Variants in KNTC1 observed in about 807,000 individuals in gnomAD.
KNTC1 encodes kinetochore associated 1, also known as kinetochore-associated protein 1.
In KNTC1, 253 loss-of-function variants were observed where a neutral mutation model predicts 314.4. The observed-to-expected ratio is 0.80, with a 90% CI of 0.73 to 0.89. KNTC1 has a LOEUF of 0.89. Among genes scored for constraint, KNTC1 ranks in the 40% least tolerant of loss-of-function variants. The probability of loss-of-function intolerance (pLI) is 0.00; values close to 1 mark genes in which losing one functional copy is unlikely to be tolerated. For missense variants in KNTC1, 2,475 were observed against 2,572.9 expected (o/e 0.96, Z 0.82); for synonymous variants, 901 against 901.4 (o/e 1.00, Z 0.01).
rs1284436828 is a variant in KNTC1, at chr12:122,584,501, A to G, written c.3436+51A>G. The G allele has an allele frequency of 2.2e-5, 31 of 1,382,838 alleles. 1 individual carries two copies. The highest frequency in any genetic ancestry group is 3.8e-4 in the Middle Eastern group (2 of 5,264). 85.7% of individuals were successfully genotyped at this position (1,382,838 alleles called of 1,614,324 possible). On this transcript the variant is annotated intron_variant, in intron 35 of 63. Coordinates refer to ENST00000333479, the MANE Select transcript of KNTC1 (RefSeq NM_014708.6). ...TTTTATATTCTCTGGTTCATGTCAT[A>G]CTTGTCTCCCAAATGCTGTCTCTTT...
At chr12:122,544,665 A>G (rs574381052) in intron 8 of KNTC1, among the ~76,000 whole-genome samples, 2 of 152,348 alleles carry the variant, frequency 1.3e-5, no homozygotes, top group South Asian at 4.1e-4. Context: ...TCTAATAGGA[A>G]GTGTAATTAC....
Position 122,613,606 on chromosome 12 carries a change from G to A in KNTC1, c.5742-20G>A. On this transcript the variant is annotated intron_variant, in intron 54 of 63. Coordinates refer to ENST00000333479, the MANE Select transcript of KNTC1 (RefSeq NM_014708.6). ...ATGTGGCCTATGAGAATGATTCTTA[G>A]AAACGTTTCTGTTTTCCAGATCTTA... 1 of 1,577,752 alleles carries A rather than the reference G, an allele frequency of 6.3e-7. No homozygotes were observed. The highest frequency in any genetic ancestry group is 8.6e-7 in the Non-Finnish European group (1 of 1,165,306).
At chr12:122,617,409 A>G (rs1462503545) in intron 57 of KNTC1, 4 of 450,802 alleles carry the variant, frequency 8.9e-6, no homozygotes, top group African/African-American at 4.0e-5. Flanking sequence ...ATGTATAGAG[A>G]TGGAGGTCTT....
At chr12:122,563,083 C>T (rs1445537986) in intron 20 of KNTC1, among the ~76,000 whole-genome samples, 2 of 151,874 alleles carry the variant, frequency 1.3e-5, no homozygotes, top group African/African-American at 2.4e-5. Context: ...TATAGCAGTC[C>T]TCTTGCTGAA....
chr12:122,606,043 TAG>T (rs1447889041), intron 51 of KNTC1, among the ~76,000 whole-genome samples: 1 of 151,600 alleles, frequency 6.6e-6, no homozygotes, highest in African/African-American at 2.4e-5. Flanking sequence ...GTTTGTTTTG[TAG>T]AGACAGGGTC....
At chr12:122,583,040 G>A (rs7398861) in intron 34 of KNTC1, 55 bp downstream of exon 34, 558,440 of 1,511,608 alleles carry the variant, frequency 0.37, 106,471 homozygotes, top group Non-Finnish European at 0.38. Context: ...GGCTGGGCAC[G>A]GTAACTCATA....
chr12:122,544,279 T>G lies in KNTC1; in HGVS notation c.669+10T>G, dbSNP rs777795266. On this transcript the variant is annotated intron_variant, in intron 8 of 63. Coordinates refer to ENST00000333479, the MANE Select transcript of KNTC1 (RefSeq NM_014708.6). ...TCCTGTGATAATTGGGGTAATTGTT[T>G]TTATAAAGTTTTGTTTTTTGTTGCC... 1.4e-6 allele frequency: 2 copies of G among 1,413,832 alleles called. No homozygotes were observed. Among genetic ancestry groups the G allele is most frequent in the Non-Finnish European group, 1.9e-6 (2 of 1,034,326 alleles). The allele number at this position is 1,413,832 out of a possible 1,614,324, so 87.6% of individuals were successfully genotyped here.
Position 122,573,048 on chromosome 12 carries a change from T to C in KNTC1, c.2131T>C (p.Phe711Leu). 6.2e-7 allele frequency: 1 copy of C among 1,612,496 alleles called. No individual in the cohort carries two copies. The highest frequency in any genetic ancestry group is 8.5e-7 in the Non-Finnish European group (1 of 1,179,102). Residue 711 changes from phenylalanine (F) to leucine (L), a missense_variant, in exon 25 of 64, where the codon TTT becomes CTT. Phe to Leu is a conservative substitution (Grantham distance 22, BLOSUM62 0). Transcript: ENST00000333479. ...KYNCKLALSD[F>L]EKENTTTIVF... ...CAACTGCAAATTAGCCCTCTCTGATTTTGAGAAGGTAAAGTCCAGGGTCAT... is the reference window on the plus strand; with the variant it reads ...CAACTGCAAATTAGCCCTCTCTGATCTTGAGAAGGTAAAGTCCAGGGTCAT...
chr12:122,575,750 T>C, intron 28 of KNTC1, 50 bp from the exon 29 acceptor site: 1 of 1,527,022 alleles, frequency 6.5e-7, no homozygotes. Flanking sequence ...TGTCCCATAG[T>C]ACTTCATAAA....
intron 2 of KNTC1, 21 bp downstream of exon 2, chr12:122,530,213 T>TG: frequency 6.2e-7 from 1 of 1,606,870 alleles, no homozygotes; most frequent in South Asian, 1.1e-5. Flanking sequence ...TTACACTGAC[T>TG]GTTTCATTCA....
intron 39 of KNTC1, 78 bp downstream of exon 39, chr12:122,587,952 C>T (rs947095520): frequency 2.1e-5 from 25 of 1,210,514 alleles, no homozygotes; most frequent in Admixed American, 1.1e-4. Flanking sequence ...TTGGAGTCCA[C>T]GTTTTCCTAT....
chr12:122,590,578 T>C, intron 40 of KNTC1, 29 bp from the exon 41 acceptor site: 1 of 1,582,744 alleles, frequency 6.3e-7, no homozygotes, highest in Non-Finnish European at 8.6e-7. Flanking sequence ...TGTGAAGAAT[T>C]TGCTTCTTTT....
rs773917767 is a variant in KNTC1, at chr12:122,570,906, G to A, written c.1891G>A (p.Ala631Thr). 3.3e-5 allele frequency: 52 copies of A among 1,562,532 alleles called. No homozygotes were observed. Among genetic ancestry groups the A allele is most frequent in the Non-Finnish European group, 4.3e-5 (50 of 1,151,146 alleles). Reference sequence around the variant, plus strand: ...TCTTGCAAAATGGTTGGAACAAGCAGCCAGGAACCTTGAATTAACTGATAA... The same window carrying A: ...TCTTGCAAAATGGTTGGAACAAGCAACCAGGAACCTTGAATTAACTGATAA... ...IILAKWLEQA[A>T]RNLELTDKAN... The change falls in exon 23 of 64, where the codon GCC (alanine) becomes ACC (threonine). Residue 631 changes from alanine (A) to threonine (T), a missense_variant. By Grantham distance (58) the Ala-to-Thr change is moderately conservative. Coordinates refer to ENST00000333479, the MANE Select transcript of KNTC1 (RefSeq NM_014708.6).
intron 44 of KNTC1, among the ~76,000 whole-genome samples, chr12:122,598,568 G>T (rs1871382685): frequency 6.7e-6 from 1 of 150,052 alleles, no homozygotes; most frequent in South Asian, 2.1e-4. Context: ...TTACAGGTGT[G>T]CACCATCATG....
intron 36 of KNTC1, among the ~76,000 whole-genome samples, chr12:122,585,211 A>AT (rs1593611700): frequency 2.6e-5 from 4 of 151,492 alleles, no homozygotes; most frequent in Non-Finnish European, 2.9e-5. Context: ...ATTAAAAAAA[A>AT]ATTTTTTTTT....
rs1485642867 is a variant in KNTC1, at chr12:122,555,537, GCAAGACTCTGTCT to G, written c.1273-1843_1273-1831del. ...ACTGCACTCCAGCCTGGGTGACAGAGCAAGACTCTGTCTCAAAAATAAAAAAGAAGGGCCGGGC... is the reference window on the plus strand; with the variant it reads ...ACTGCACTCCAGCCTGGGTGACAGAGCAAAAATAAAAAAGAAGGGCCGGGC... On this transcript the variant is annotated intron_variant, in intron 16 of 63. Coordinates refer to ENST00000333479, the MANE Select transcript of KNTC1 (RefSeq NM_014708.6). 3.3e-5 allele frequency among the ~76,000 whole-genome samples: 5 copies of G among 151,964 alleles called. No homozygotes were observed. In the East Asian group the frequency reaches 7.8e-4, roughly 24 times the overall value.
At chr12:122,549,480 G>A (rs1447537973) in intron 12 of KNTC1, among the ~76,000 whole-genome samples, 4 of 152,136 alleles carry the variant, frequency 2.6e-5, no homozygotes. Context: ...CTCCCCAGTA[G>A]CTGTGATTAT....
rs1328858161 is a variant in KNTC1 at position 122,604,590 on chromosome 12, T to C, written c.5128T>C (p.Phe1710Leu). ...EGSFKISALKFCLYLAERWLQ... is the reference protein window; with the variant it reads ...EGSFKISALKLCLYLAERWLQ... Reference sequence around the variant, plus strand: ...TTCCTTCAAGATATCTGCTTTGAAATTCTGCCTTTATTTAGCTGAGAGATG... The same window carrying C: ...TTCCTTCAAGATATCTGCTTTGAAACTCTGCCTTTATTTAGCTGAGAGATG... The change falls in exon 49 of 64, where the codon TTC becomes CTC. Residue 1710 changes from phenylalanine (F) to leucine (L), a missense_variant. Transcript: ENST00000333479. The C allele has an allele frequency of 1.3e-6, 2 of 1,580,974 alleles. No individual in the cohort carries two copies. Among genetic ancestry groups the C allele is most frequent in the Admixed American group, 1.7e-5 (1 of 59,840 alleles).
rs1436816871 is a variant in KNTC1, at chr12:122,621,790, A to ACTTAGAAGAG, written c.6280-89_6280-80dup. 3 of 761,920 alleles carry ACTTAGAAGAG rather than the reference A, an allele frequency of 3.9e-6. No individual in the cohort carries two copies. The East Asian group carries it at 8.2e-5, about 21-fold the overall frequency. 47.2% of individuals were successfully genotyped at this position (761,920 alleles called of 1,614,324 possible). A position where few individuals can be genotyped will look rare whatever the true frequency, so the allele number is the denominator to read the frequency against. On this transcript the variant is annotated intron_variant, in intron 60 of 63. Transcript: ENST00000333479. ...AGTATTTAAATAGATTTCTTTTGGCACTTAGAAGAGCAAAATACCTGATCA... is the reference window on the plus strand; with the variant it reads ...AGTATTTAAATAGATTTCTTTTGGCACTTAGAAGAGCTTAGAAGAGCAAAATACCTGATCA...
Sources: allele counts gnomAD v4.1 joint callset (sites outside exome capture counted in the v4.1 genomes callset), GRCh38; gene constraint gnomAD v4.1.1; transcripts MANE v1.5; gene names NCBI Gene and HGNC (gene_info 2026-07-23, HGNC 2026-07-21).